Variants in DYSF observed in about 807,000 individuals in gnomAD.
DYSF encodes dysferlin, also known as dystrophy-associated fer-1-like 1.
A neutral mutation model predicts 274.9 loss-of-function variants in DYSF; 212 were observed. The observed-to-expected ratio is 0.77, with a 90% CI of 0.69 to 0.86. DYSF has a LOEUF of 0.86. DYSF is among the 40% of genes least tolerant of loss of function. The pLI is 0.00. For missense variants in DYSF, 2,666 were observed against 2,783.2 expected (o/e 0.96, Z 0.95); for synonymous variants, 1,091 against 1,078.7 (o/e 1.01, Z -0.22).
rs2094117519 is a variant in DYSF at position 71,622,126 on chromosome 2, C to CTTTGTTTTTTT, written c.4527+1521_4527+1531dup. 1.3e-4 allele frequency among the ~76,000 whole-genome samples: 5 copies of CTTTGTTTTTTT among 38,764 alleles called. 1 individual carries two copies. The highest frequency in any genetic ancestry group is 2.8e-4 in the Non-Finnish European group (4 of 14,202). The allele number at this position is 38,764 out of a possible 152,430, so 25.4% of individuals were successfully genotyped here. On this transcript the variant is annotated intron_variant, in intron 41 of 55. Coordinates refer to ENST00000410020, the MANE Select transcript of DYSF (RefSeq NM_001130987.2). ...TTATATATGTCCATTCAGATGATTTCTTTGTTTTTTTTTTTTTTTTGTTAC... is the reference window on the plus strand; with the variant it reads ...TTATATATGTCCATTCAGATGATTTCTTTGTTTTTTTTTTGTTTTTTTTTTTTTTTTGTTAC...
intron 1 of DYSF, among the ~76,000 whole-genome samples, chr2:71,467,951 A>G (rs6709431): frequency 0.18 from 27,240 of 151,980 alleles, 2,661 homozygotes; most frequent in East Asian, 0.45. Flanking sequence ...ATCTCCAAGC[A>G]CCCCCAAGAT....
intron 7 of DYSF, among the ~76,000 whole-genome samples, 182 bp from the exon 8 acceptor site, chr2:71,515,441 G>A (rs939730171): frequency 1.3e-5 from 2 of 152,176 alleles, no homozygotes; most frequent in Non-Finnish European, 2.9e-5. Context: ...TTTTATAGAT[G>A]TAAGGGGCCT....
chr2:71,660,909 G>T (rs948060953), intron 45 of DYSF, among the ~76,000 whole-genome samples: 25 of 151,976 alleles, frequency 1.6e-4, no homozygotes, highest in African/African-American at 6.0e-4. Context: ...TTGAGCTCAG[G>T]AGTTTGAGAC....
intron 42 of DYSF, 117 bp downstream of exon 42, chr2:71,644,180 T>A (rs1572923382): frequency 1.1e-6 from 1 of 930,060 alleles, no homozygotes; most frequent in South Asian, 1.4e-5. Context: ...TCATTCGGTG[T>A]CTGAGGGTGA....
chr2:71,658,411 C>G (rs1184624449), intron 43 of DYSF, among the ~76,000 whole-genome samples: 1 of 152,226 alleles, frequency 6.6e-6, no homozygotes, highest in Non-Finnish European at 1.5e-5. Context: ...TGCCTGTTAG[C>G]CAGTTCCAAA....
At chr2:71,666,353 A>G (rs1407157710) in intron 47 of DYSF, among the ~76,000 whole-genome samples, 4 of 152,184 alleles carry the variant, frequency 2.6e-5, no homozygotes, top group African/African-American at 9.7e-5. Flanking sequence ...ACGTCACCCA[A>G]CCAGCTAGGG....
intron 51 of DYSF, 141 bp from the exon 52 acceptor site, chr2:71,674,056 C>A: frequency 1.3e-6 from 1 of 748,798 alleles, no homozygotes; most frequent in Non-Finnish European, 2.4e-6. Flanking sequence ...CCCAGTCTTC[C>A]CACAGGACCT....
At chr2:71,520,416 T>C (rs1387916216) in intron 11 of DYSF, among the ~76,000 whole-genome samples, 1 of 152,150 alleles carries the variant, frequency 6.6e-6, no homozygotes, top group Non-Finnish European at 1.5e-5. Flanking sequence ...CGTTGGCCCA[T>C]TCAGGGAGGC....
At chr2:71,457,540 C>G (rs904050958) in intron 1 of DYSF, among the ~76,000 whole-genome samples, 11 of 152,310 alleles carry the variant, frequency 7.2e-5, no homozygotes, top group South Asian at 2.1e-4. Flanking sequence ...CTGATGCCCC[C>G]CTCGGTCTGC....
intron 3 of DYSF, among the ~76,000 whole-genome samples, chr2:71,490,760 A>G (rs534531703): frequency 6.6e-6 from 1 of 152,208 alleles, no homozygotes; most frequent in South Asian, 2.1e-4. Flanking sequence ...TCACTTCATC[A>G]TTGACTCTTT....
chr2:71,592,139 G>T (rs753356877), intron 32 of DYSF, among the ~76,000 whole-genome samples: 1 of 152,112 alleles, frequency 6.6e-6, no homozygotes. Context: ...TGTGAGAGGG[G>T]GATGGCCAGG....
chr2:71,578,227 T>A (rs2092776913), intron 30 of DYSF, among the ~76,000 whole-genome samples: 1 of 152,086 alleles, frequency 6.6e-6, no homozygotes, highest in African/African-American at 2.4e-5. Context: ...CCAGGGGCCA[T>A]CTCGGAGTAG....
intron 46 of DYSF, 108 bp from the exon 47 acceptor site, chr2:71,665,054 C>T: frequency 1.3e-6 from 2 of 1,566,644 alleles, no homozygotes; most frequent in Non-Finnish European, 1.7e-6. Flanking sequence ...ACTGTAAAAG[C>T]AAGGAGTGGG....
At chr2:71,519,811 G>GTTTT (rs70959241) in intron 10 of DYSF, among the ~76,000 whole-genome samples, 15 of 102,276 alleles carry the variant, frequency 1.5e-4, no homozygotes, top group South Asian at 3.4e-4. Flanking sequence ...CACCCGGCTA[G>GTTTT]TTTTTTTTTT....
At chr2:71,530,736 C>T (rs759764435) in intron 14 of DYSF, among the ~76,000 whole-genome samples, 7 of 152,174 alleles carry the variant, frequency 4.6e-5, no homozygotes, top group Non-Finnish European at 1.0e-4. Flanking sequence ...CCCTAAGCCA[C>T]CTCCTTGTGG....
In DYSF at chr2:71,553,885, A is replaced by G; in HGVS notation, c.2063A>G (p.His688Arg). ...VLSSYWEDIS[H>R]RIETQNQLLG... The stretch of plus-strand genomic sequence containing the variant: ...TCATCCTACTGGGAGGACATCAGCC[A>G]TAGAATCGAGACTCAGAACCAGCTG... Residue 688 changes from histidine (H) to arginine (R), a missense_variant, in exon 21 of 56, where the codon CAT (histidine) becomes CGT (arginine). Around this residue, in one of 3 missense-constraint regions of DYSF, gnomAD observed 412 missense variants for 504.0 expected, o/e 0.82. Transcript: ENST00000410020. 1.9e-6 allele frequency: 3 copies of G among 1,614,180 alleles called. No homozygotes were observed. The highest frequency in any genetic ancestry group is 2.5e-6 in the Non-Finnish European group (3 of 1,180,038).
chr2:71,585,882 G>T (rs2093049692), intron 30 of DYSF, among the ~76,000 whole-genome samples: 1 of 152,154 alleles, frequency 6.6e-6, no homozygotes, highest in South Asian at 2.1e-4. Context: ...GTGCCCAGGA[G>T]GGGTACCTAA....
chr2:71,650,003 T>C (rs1430894236), intron 42 of DYSF, among the ~76,000 whole-genome samples: 1 of 152,228 alleles, frequency 6.6e-6, no homozygotes, highest in East Asian at 1.9e-4. Flanking sequence ...GATGACACTT[T>C]ATAATGCTAA....
intron 1 of DYSF, among the ~76,000 whole-genome samples, chr2:71,455,229 C>T (rs1294043605): frequency 6.6e-6 from 1 of 152,212 alleles, no homozygotes; most frequent in Non-Finnish European, 1.5e-5. Flanking sequence ...AAAGCACAGG[C>T]CTGTGTCCAG....
Sources: allele counts gnomAD v4.1 joint callset (sites outside exome capture counted in the v4.1 genomes callset), GRCh38; gene constraint gnomAD v4.1.1; regional missense constraint gnomAD v4.1.1; transcripts MANE v1.5; gene names NCBI Gene and HGNC (gene_info 2026-07-23, HGNC 2026-07-21).